FOXP2: variants seen among roughly 807,000 people sequenced by gnomAD.
FOXP2 encodes the protein forkhead box P2.
A neutral mutation model predicts 115.8 loss-of-function variants in FOXP2; 12 were observed. The ratio of observed to expected loss-of-function variants is 0.10; its 90% CI spans 0.07 to 0.17. FOXP2 has a LOEUF of 0.17. FOXP2 is among the 10% of genes least tolerant of loss of function. The probability of loss-of-function intolerance (pLI) is 1.00; values close to 1 mark genes in which losing one functional copy is unlikely to be tolerated. For missense variants in FOXP2, 629 were observed against 843.5 expected (o/e 0.75, Z 3.15); for synonymous variants, 328 against 297.7 (o/e 1.10, Z -1.05).
chr7:114,310,367 A>G (rs1264682446), intron 2 of FOXP2, among the ~76,000 whole-genome samples: 1 of 152,146 alleles, frequency 6.6e-6, no homozygotes, highest in Non-Finnish European at 1.5e-5. Context: ...CCATTTGACT[A>G]CAGAAGCCTA....
At chr7:114,348,129 A>G (rs982184233) in intron 2 of FOXP2, among the ~76,000 whole-genome samples, 1 of 152,134 alleles carries the variant, frequency 6.6e-6, no homozygotes, top group Non-Finnish European at 1.5e-5. Flanking sequence ...TTGAAATACA[A>G]GAGTTTTATA....
Position 114,420,400 on chromosome 7 carries a change from T to C in FOXP2, c.-11+5040T>C, listed in dbSNP as rs75549374. 3.8e-3 allele frequency among the ~76,000 whole-genome samples: 573 copies of C among 152,094 alleles called. 5 individuals carry two copies. Among genetic ancestry groups the C allele is most frequent in the African/African-American group, 0.013 (542 of 41,544 alleles). ...TCTTGGAGAGCTAATTATTTCTTAT[T>C]GCCTTACATTTTTACTGTTAAATTC... On this transcript the variant is annotated intron_variant, in intron 1 of 16. Transcript: ENST00000350908.
At chr7:114,559,158 C>T (rs1378024283) in intron 3 of FOXP2, among the ~76,000 whole-genome samples, 1 of 152,118 alleles carries the variant, frequency 6.6e-6, no homozygotes, top group Non-Finnish European at 1.5e-5. Flanking sequence ...GACTGCTGCC[C>T]TCATGCTCTC....
intron 1 of FOXP2, among the ~76,000 whole-genome samples, chr7:114,196,938 TC>T (rs1793928153): frequency 6.6e-6 from 1 of 152,144 alleles, no homozygotes; most frequent in African/African-American, 2.4e-5. Flanking sequence ...ATGCCTATAA[TC>T]CCAGCATTTT....
chr7:114,389,651 T>C (rs1022100662), intron 2 of FOXP2, among the ~76,000 whole-genome samples: 4 of 152,114 alleles, frequency 2.6e-5, no homozygotes, highest in Non-Finnish European at 4.4e-5. Context: ...ATGATTTTGG[T>C]TAGATGAAAT....
At chr7:114,138,140 C>T (rs571744871) in intron 1 of FOXP2, among the ~76,000 whole-genome samples, 1 of 152,162 alleles carries the variant, frequency 6.6e-6, no homozygotes, top group Admixed American at 6.5e-5. Context: ...CAGAAGAATT[C>T]TAAATAATTT....
At chr7:114,279,437 C>A (rs1796272928) in intron 1 of FOXP2, among the ~76,000 whole-genome samples, 1 of 152,084 alleles carries the variant, frequency 6.6e-6, no homozygotes, top group Non-Finnish European at 1.5e-5. Flanking sequence ...TCCAGCAACT[C>A]CCAATATCCT....
At chr7:114,222,229 C>T (rs937136866) in intron 1 of FOXP2, among the ~76,000 whole-genome samples, 5 of 152,210 alleles carry the variant, frequency 3.3e-5, no homozygotes, top group African/African-American at 1.2e-4. Flanking sequence ...AATCTTGGCT[C>T]ACTGCAGCCT....
At chr7:114,245,715 A>G (rs1795264606) in intron 1 of FOXP2, among the ~76,000 whole-genome samples, 1 of 152,178 alleles carries the variant, frequency 6.6e-6, no homozygotes, top group South Asian at 2.1e-4. Context: ...TGTAACTGAA[A>G]GACTTTTTTT....
intron 1 of FOXP2, among the ~76,000 whole-genome samples, chr7:114,269,750 C>G (rs1343908746): frequency 1.3e-5 from 2 of 152,080 alleles, no homozygotes; most frequent in Non-Finnish European, 2.9e-5. Context: ...TAATCATTAT[C>G]AATGGGACAT....
At chr7:114,662,008 C>T in intron 13 of FOXP2, 57 bp from the exon 14 acceptor site, 1 of 1,601,640 alleles carries the variant, frequency 6.2e-7, no homozygotes. Context: ...GTATGTTGGG[C>T]TGCCTTATTA....
chr7:114,570,922 CA>C (rs756441007), intron 3 of FOXP2: 1 of 1,545,670 alleles, frequency 6.5e-7, no homozygotes, highest in South Asian at 1.1e-5. Context: ...CTACTAGGCA[CA>C]AGGCCATGGA....
At chr7:114,658,299 AC>A in intron 11 of FOXP2, 32 bp downstream of exon 11, 1 of 1,607,086 alleles carries the variant, frequency 6.2e-7, no homozygotes, top group Non-Finnish European at 8.5e-7. Flanking sequence ...GAGCACTTTT[AC>A]TTTGGGAGAG....
intron 2 of FOXP2, chr7:114,288,121 T>G (rs906568541): frequency 4.4e-6 from 2 of 452,446 alleles, no homozygotes; most frequent in African/African-American, 4.0e-5. Context: ...TAAGTGTCCT[T>G]TTGGTAAAAA....
intron 2 of FOXP2, among the ~76,000 whole-genome samples, chr7:114,502,357 A>C (rs1251806271): frequency 6.6e-6 from 1 of 152,146 alleles, no homozygotes; most frequent in Non-Finnish European, 1.5e-5. Context: ...AGTTTCAGAA[A>C]AAACACTAGC....
chr7:114,395,657 A>G (rs1792719008), intron 2 of FOXP2, among the ~76,000 whole-genome samples: 1 of 152,134 alleles, frequency 6.6e-6, no homozygotes, highest in Non-Finnish European at 1.5e-5. Context: ...TTAACTTGAT[A>G]TGACCAAAAC....
intron 1 of FOXP2, among the ~76,000 whole-genome samples, chr7:114,251,575 C>T (rs1009600083): frequency 4.6e-5 from 7 of 152,148 alleles, no homozygotes; most frequent in African/African-American, 7.2e-5. Flanking sequence ...AGTGGGACTT[C>T]ACTCATGATT....
chr7:114,311,710 G>A (rs567213305), intron 2 of FOXP2, among the ~76,000 whole-genome samples: 1 of 152,120 alleles, frequency 6.6e-6, no homozygotes, highest in South Asian at 2.1e-4. Context: ...TGATAGTAGG[G>A]AGTCAAGTTT....
intron 6 of FOXP2, among the ~76,000 whole-genome samples, chr7:114,640,109 A>C (rs1490603210): frequency 6.6e-6 from 1 of 152,180 alleles, no homozygotes; most frequent in Non-Finnish European, 1.5e-5. Context: ...CTAATGCAAA[A>C]GACATGTTGG....
Sources: allele counts gnomAD v4.1 joint callset (sites outside exome capture counted in the v4.1 genomes callset), GRCh38; gene constraint gnomAD v4.1.1; transcripts MANE v1.5; gene names NCBI Gene and HGNC (gene_info 2026-07-23, HGNC 2026-07-21).